MGLL: variants seen among roughly 807,000 people sequenced by gnomAD.
MGLL encodes lysophospholipase homolog.
In MGLL, 7 loss-of-function variants were observed where a neutral mutation model predicts 29.1. That is an observed-to-expected ratio of 0.24 (90% confidence interval 0.14 to 0.45). MGLL has a LOEUF of 0.45. Among genes scored for constraint, MGLL ranks in the 20% least tolerant of loss-of-function variants. The pLI is 0.99. For missense variants in MGLL, 356 were observed against 413.6 expected (o/e 0.86, Z 1.21); for synonymous variants, 148 against 168.3 (o/e 0.88, Z 0.93).
At chr3:127,810,218 C>T (rs1420358781) in intron 2 of MGLL, among the ~76,000 whole-genome samples, 9 of 152,136 alleles carry the variant, frequency 5.9e-5, no homozygotes, top group Non-Finnish European at 1.0e-4. Flanking sequence ...CCTGTTGACG[C>T]CTTGATCTTG....
intron 3 of MGLL, among the ~76,000 whole-genome samples, chr3:127,754,682 G>A (rs764553463): frequency 7.9e-5 from 12 of 152,174 alleles, no homozygotes; most frequent in Non-Finnish European, 1.5e-4. Flanking sequence ...GGCTGGGTCG[G>A]GCAGGAGGAT....
In MGLL at chr3:127,781,938, G is replaced by A. The variant is rs761261812; in HGVS notation, c.156-43C>T. On this transcript the variant is annotated intron_variant, in intron 2 of 7. Transcript: ENST00000265052. ...GAGCCTGGTTAGGAAAGCCCACACG[G>A]GGCTGGGCGCGGTGGCTCATGCCTA... The A allele has an allele frequency of 4.4e-6, 7 of 1,593,908 alleles. No individual in the cohort carries two copies. The Middle Eastern group carries it at 5.0e-4, about 114-fold the overall frequency.
chr3:127,735,982 T>C (rs1432407686), intron 3 of MGLL: 3 of 1,430,086 alleles, frequency 2.1e-6, no homozygotes, highest in African/African-American at 2.9e-5. Context: ...TTCGGCTCAG[T>C]TCCTTCACGC....
intron 5 of MGLL, chr3:127,714,190 T>C (rs2075772268): frequency 2.0e-5 from 3 of 151,972 alleles, no homozygotes; most frequent in African/African-American, 7.3e-5. Context: ...AAGTGATTCC[T>C]GGCAGCTGAA....
rs149371345 is a variant in MGLL at position 127,795,750 on chromosome 3, GA to G, written c.156-13856del. Reference sequence around the variant, plus strand: ...AAATCTGCACATATGTAATATTGAAGAATGCACACACCAACTCACACATATA... The same window carrying G: ...AAATCTGCACATATGTAATATTGAAGATGCACACACCAACTCACACATATA... On this transcript the variant is annotated intron_variant, in intron 2 of 7. Coordinates refer to ENST00000265052, the MANE Select transcript of MGLL (RefSeq NM_007283.7). Among the ~76,000 whole-genome samples the G allele has an allele frequency of 6.7e-3, 1,017 of 152,202 alleles. 11 individuals carry two copies. The highest frequency in any genetic ancestry group is 0.023 in the African/African-American group (963 of 41,496).
At chr3:127,805,401 G>A (rs1011514083) in intron 2 of MGLL, among the ~76,000 whole-genome samples, 1 of 152,340 alleles carries the variant, frequency 6.6e-6, no homozygotes, top group Admixed American at 6.5e-5. Context: ...GGCATCTGCA[G>A]CCAGGCCAGC....
Position 127,692,190 on chromosome 3 carries a change from C to A in MGLL, c.*8G>T. ...CCCAGACCATGAGCCGGGCACCGGC[C>A]AATGCATTCAGGGTGGGGACGCAGT... On this transcript the variant is annotated 3_prime_UTR_variant, in exon 8 of 8. Transcript: ENST00000265052. 1.9e-6 allele frequency: 3 copies of A among 1,611,746 alleles called. No homozygotes were observed. The highest frequency in any genetic ancestry group is 2.5e-6 in the Non-Finnish European group (3 of 1,179,612).
chr3:127,763,056 G>A (rs2076793354), intron 3 of MGLL, among the ~76,000 whole-genome samples: 1 of 152,188 alleles, frequency 6.6e-6, no homozygotes, highest in Non-Finnish European at 1.5e-5. Flanking sequence ...GGGGAAAGAT[G>A]TGTGATCCAC....
At chr3:127,752,937 A>G (rs2076586598) in intron 3 of MGLL, among the ~76,000 whole-genome samples, 1 of 152,180 alleles carries the variant, frequency 6.6e-6, no homozygotes, top group Non-Finnish European at 1.5e-5. Flanking sequence ...GGGGAAAGAA[A>G]TCACCCTCCA....
At chr3:127,791,780 T>C (rs2077304314) in intron 2 of MGLL, among the ~76,000 whole-genome samples, 1 of 152,240 alleles carries the variant, frequency 6.6e-6, no homozygotes, top group South Asian at 2.1e-4. Flanking sequence ...TCCTTTAACA[T>C]GCAGCATCTG....
chr3:127,723,840 T>C (rs1576505834), intron 3 of MGLL, among the ~76,000 whole-genome samples: 1 of 152,154 alleles, frequency 6.6e-6, no homozygotes, highest in Non-Finnish European at 1.5e-5. Flanking sequence ...CAAATCCATA[T>C]GTTGAAGCTC....
At chr3:127,742,122 A>C (rs1471819030) in intron 3 of MGLL, among the ~76,000 whole-genome samples, 4 of 152,246 alleles carry the variant, frequency 2.6e-5, no homozygotes, top group Non-Finnish European at 5.9e-5. Context: ...AATACATAGA[A>C]CTAAAAATGC....
chr3:127,704,573 G>A lies in MGLL; in HGVS notation c.600+6003C>T, dbSNP rs1311389830. On this transcript the variant is annotated intron_variant, in intron 6 of 7. Coordinates refer to ENST00000265052, the MANE Select transcript of MGLL (RefSeq NM_007283.7). ...AGAAAAAAACAACCCCATCAATAAT[G>A]GGCAAAGGATATGAATAGACACTTT... is the stretch of plus-strand genomic sequence containing the variant. 2.0e-5 allele frequency among the ~76,000 whole-genome samples: 3 copies of A among 152,070 alleles called. No homozygotes were observed. In the East Asian group the frequency reaches 5.8e-4, roughly 29 times the overall value.
chr3:127,705,376 CTTAAAA>C (rs1404345125), intron 6 of MGLL, among the ~76,000 whole-genome samples: 7 of 150,838 alleles, frequency 4.6e-5, no homozygotes, highest in African/African-American at 9.8e-5. Flanking sequence ...TATCCTGGAA[CTTAAAA>C]TTAAATTAAA....
intron 2 of MGLL, among the ~76,000 whole-genome samples, chr3:127,815,485 C>A (rs766037597): frequency 6.6e-6 from 1 of 152,228 alleles, no homozygotes; most frequent in African/African-American, 2.4e-5. Flanking sequence ...TGCTAACACG[C>A]GGTGCTACGT....
At chr3:127,720,317 C>A (rs1200530720) in intron 5 of MGLL, among the ~76,000 whole-genome samples, 1 of 152,142 alleles carries the variant, frequency 6.6e-6, no homozygotes, top group Non-Finnish European at 1.5e-5. Flanking sequence ...GATTCTCCAC[C>A]CTCACTGCGG....
In MGLL at chr3:127,689,599, C is replaced by G. The variant is rs1336733230; in HGVS notation, c.*2599G>C. On this transcript the variant is annotated 3_prime_UTR_variant, in exon 8 of 8. Coordinates refer to ENST00000265052, the MANE Select transcript of MGLL (RefSeq NM_007283.7). ...TCCCCTCCCTGGCCTTTGCCTTCCT[C>G]TCACCTTCTCGAGGCCAAGCTGTGC... The G allele has an allele frequency of 6.6e-6, 1 of 152,612 alleles. No homozygotes were observed. The highest frequency in any genetic ancestry group is 1.5e-5 in the Non-Finnish European group (1 of 68,300). The allele number at this position is 152,612 out of a possible 1,614,324, so 9.5% of individuals were successfully genotyped here.
intron 2 of MGLL, among the ~76,000 whole-genome samples, chr3:127,815,377 CT>C (rs1351923628): frequency 2.0e-5 from 3 of 152,238 alleles, no homozygotes; most frequent in Non-Finnish European, 4.4e-5. Flanking sequence ...ACACCAGCTC[CT>C]TCTGCCATCA....
chr3:127,694,347 G>GTA (rs58721396), intron 7 of MGLL, among the ~76,000 whole-genome samples: 19,823 of 72,902 alleles, frequency 0.27, 1,914 homozygotes, highest in East Asian at 0.46. Flanking sequence ...ATATGTATGT[G>GTA]TATATATATG....
Sources: gnomAD v4.1 joint callset for allele counts (sites outside exome capture counted in the v4.1 genomes callset) on GRCh38, gnomAD v4.1.1 for gene constraint, MANE v1.5 for transcripts, NCBI Gene and HGNC (gene_info 2026-07-23, HGNC 2026-07-21) for gene names.